Variants in GRM7 observed in about 807,000 individuals in gnomAD.
The protein encoded by GRM7 is glutamate metabotropic receptor 7, also known as metabotropic glutamate receptor 7.
A neutral mutation model predicts 84.5 loss-of-function variants in GRM7; 35 were observed. The observed-to-expected ratio is 0.41, with a 90% CI of 0.32 to 0.55. GRM7 has a LOEUF of 0.55. GRM7 is among the 20% of genes least tolerant of loss of function. The pLI is 0.19. For missense variants in GRM7, 1,003 were observed against 1,194.6 expected, an observed-to-expected ratio of 0.84 and a Z score of 2.36; for synonymous variants, 487 against 455.1, an observed-to-expected ratio of 1.07 and a Z score of -0.89.
chr3:7,204,003 A>G (rs1408565600), intron 2 of GRM7, among the ~76,000 whole-genome samples: 1 of 152,228 alleles, frequency 6.6e-6, no homozygotes, highest in Non-Finnish European at 1.5e-5. Context: ...GTGATAGCTG[A>G]GATATAATAT....
chr3:7,379,240 T>C (rs1013955281), intron 4 of GRM7, among the ~76,000 whole-genome samples: 1 of 151,906 alleles, frequency 6.6e-6, no homozygotes, highest in Non-Finnish European at 1.5e-5. Flanking sequence ...GCCAAGCTAA[T>C]TTTTTTTGTA....
At chr3:7,592,637 C>G (rs1009911825) in intron 8 of GRM7, among the ~76,000 whole-genome samples, 3 of 152,156 alleles carry the variant, frequency 2.0e-5, no homozygotes, top group Non-Finnish European at 4.4e-5. Context: ...TCAAGCTGAT[C>G]CTCCCAAATA....
intron 1 of GRM7, among the ~76,000 whole-genome samples, chr3:7,034,118 A>T (rs1175365259): frequency 2.0e-5 from 3 of 152,202 alleles, no homozygotes; most frequent in African/African-American, 7.2e-5. Context: ...GGGTAGGCTA[A>T]GGGAAAAAAT....
chr3:7,613,261 C>G (rs577150082), intron 8 of GRM7, among the ~76,000 whole-genome samples: 1 of 152,214 alleles, frequency 6.6e-6, no homozygotes, highest in Non-Finnish European at 1.5e-5. Flanking sequence ...TTTATTTTAT[C>G]AATAAGAGAT....
At chr3:7,133,629 T>C (rs772295891) in intron 1 of GRM7, among the ~76,000 whole-genome samples, 1 of 152,246 alleles carries the variant, frequency 6.6e-6, no homozygotes, top group Non-Finnish European at 1.5e-5. Context: ...CAAACTTCTA[T>C]GTATGAGATG....
At chr3:7,390,001 A>G (rs745420009) in intron 4 of GRM7, among the ~76,000 whole-genome samples, 3 of 151,466 alleles carry the variant, frequency 2.0e-5, no homozygotes, top group Non-Finnish European at 2.9e-5. Flanking sequence ...CTGTTTTTAC[A>G]TTTTCATGTT....
intron 5 of GRM7, among the ~76,000 whole-genome samples, chr3:7,433,340 C>A (rs563071915): frequency 2.0e-5 from 3 of 152,272 alleles, no homozygotes; most frequent in Middle Eastern, 3.4e-3. Context: ...CCCAGAGCTC[C>A]GTGTTCTTTC....
intron 1 of GRM7, among the ~76,000 whole-genome samples, chr3:7,137,749 T>TA (rs1553622169): frequency 1.1e-4 from 17 of 151,994 alleles, no homozygotes; most frequent in African/African-American, 4.1e-4. Context: ...TTTGGAGTGG[T>TA]GCAATTCAGG....
chr3:7,402,820 T>A (rs903428839), intron 4 of GRM7, among the ~76,000 whole-genome samples: 16 of 140,920 alleles, frequency 1.1e-4, no homozygotes, highest in African/African-American at 2.5e-5. Context: ...TTTTTTTTTT[T>A]AAGATTCTTT....
rs192449885 is a variant in GRM7, at chr3:7,432,621, C to T, written c.1174+17458C>T. On this transcript the variant is annotated intron_variant, in intron 5 of 9. Coordinates refer to ENST00000357716, the MANE Select transcript of GRM7 (RefSeq NM_000844.4). ...ACAGATGTGAGCCACCATGCCCAGC[C>T]GGGCATCTAGTTTAAAAAAAAAAAA... is the stretch of plus-strand genomic sequence containing the variant. Among the ~76,000 whole-genome samples, 469 of 147,210 alleles carry T rather than the reference C, an allele frequency of 3.2e-3. 3 individuals are homozygous for T. Among genetic ancestry groups the T allele is most frequent in the Admixed American group, 9.7e-3 (141 of 14,600 alleles).
rs5846535 is a variant in GRM7 at position 7,713,124 on chromosome 3, G to GT, written c.2699-27205dup. On this transcript the variant is annotated intron_variant, in intron 9 of 9. Transcript: ENST00000357716. The stretch of plus-strand genomic sequence containing the variant: ...ATAGAGAGGATTCGAATTTTGTTTT[G>GT]TTTTTTTTTTTTTTTTTTTTTTTTT... Among the ~76,000 whole-genome samples, 388 of 97,064 alleles carry GT rather than the reference G, an allele frequency of 4.0e-3. 24 individuals are homozygous for GT. The highest frequency in any genetic ancestry group is 5.1e-3 in the African/African-American group (136 of 26,858). 63.7% of individuals were successfully genotyped at this position (97,064 alleles called of 152,430 possible).
chr3:7,400,742 T>A (rs988767303), intron 4 of GRM7, among the ~76,000 whole-genome samples: 1 of 152,172 alleles, frequency 6.6e-6, no homozygotes, highest in Non-Finnish European at 1.5e-5. Context: ...AGTTTTTAGA[T>A]GGCTTCGTTA....
At chr3:7,115,742 G>A (rs1485049628) in intron 1 of GRM7, among the ~76,000 whole-genome samples, 6 of 152,048 alleles carry the variant, frequency 3.9e-5, no homozygotes, top group African/African-American at 1.2e-4. Flanking sequence ...AAGGGAAGGC[G>A]ACACATTATT....
intron 7 of GRM7, among the ~76,000 whole-genome samples, chr3:7,502,456 TGGGTATCA>T (rs1699912750): frequency 1.3e-5 from 2 of 152,184 alleles, no homozygotes; most frequent in South Asian, 4.1e-4. Flanking sequence ...ATGAGACATT[TGGGTATCA>T]GAAACTTTTG....
chr3:7,386,303 C>G (rs1176246997), intron 4 of GRM7, among the ~76,000 whole-genome samples: 5 of 151,758 alleles, frequency 3.3e-5, no homozygotes, highest in Non-Finnish European at 7.4e-5. Context: ...TTCGGGAGTT[C>G]CTTTGCAGGT....
At chr3:7,160,032 A>T (rs1694575305) in intron 2 of GRM7, among the ~76,000 whole-genome samples, 1 of 152,126 alleles carries the variant, frequency 6.6e-6, no homozygotes, top group African/African-American at 2.4e-5. Flanking sequence ...CTTCGAGGAA[A>T]AGTTGGGCTT....
intron 4 of GRM7, among the ~76,000 whole-genome samples, chr3:7,346,260 C>T (rs1478188522): frequency 1.3e-5 from 2 of 152,088 alleles, no homozygotes; most frequent in Non-Finnish European, 2.9e-5. Flanking sequence ...AAGTGGTTAC[C>T]AGCTCACCAA....
chr3:7,106,500 T>C (rs1692646412), intron 1 of GRM7, among the ~76,000 whole-genome samples: 1 of 152,036 alleles, frequency 6.6e-6, no homozygotes, highest in Non-Finnish European at 1.5e-5. Flanking sequence ...TGATAATTTT[T>C]AAGAAAACAG....
chr3:7,437,428 G>A (rs1390097234), intron 5 of GRM7, among the ~76,000 whole-genome samples: 1 of 152,108 alleles, frequency 6.6e-6, no homozygotes, highest in African/African-American at 2.4e-5. Flanking sequence ...ACTCTGTGGG[G>A]AACAGATAAT....
Sources: allele counts gnomAD v4.1 joint callset (sites outside exome capture counted in the v4.1 genomes callset), GRCh38; gene constraint gnomAD v4.1.1; transcripts MANE v1.5; gene names NCBI Gene and HGNC (gene_info 2026-07-23, HGNC 2026-07-21).